The following RAB27B variants were observed in gnomAD, a reference collection of about 807,000 sequenced individuals.
RAB27B encodes the protein ras-related protein Rab-27B.
In RAB27B, 15 loss-of-function variants were observed where a neutral mutation model predicts 24.6. The observed-to-expected ratio is 0.61, with a 90% CI of 0.41 to 0.94. RAB27B has a LOEUF of 0.94. Among genes scored for constraint, RAB27B ranks in the 40% least tolerant of loss-of-function variants. The probability of loss-of-function intolerance (pLI) is 0.00; values close to 1 mark genes in which losing one functional copy is unlikely to be tolerated. For synonymous variants in RAB27B, 105 were observed against 92.5 expected (o/e 1.14, Z -0.78); for missense variants, 261 against 266.8 (o/e 0.98, Z 0.15).
intron 2 of RAB27B, among the ~76,000 whole-genome samples, chr18:54,820,157 A>G (rs1910260131): frequency 6.6e-6 from 1 of 152,166 alleles, no homozygotes; most frequent in Non-Finnish European, 1.5e-5. Context: ...GCTGGGTCAA[A>G]TGGTATTTCT....
intron 2 of RAB27B, among the ~76,000 whole-genome samples, chr18:54,750,853 T>G (rs1447080495): frequency 6.6e-6 from 1 of 152,084 alleles, no homozygotes; most frequent in Non-Finnish European, 1.5e-5. Context: ...GTAACAGAAA[T>G]GAGTCTTAGG....
intron 1 of RAB27B, among the ~76,000 whole-genome samples, chr18:54,867,442 CTTTTTTTTT>C (rs548288719): frequency 1.0e-5 from 1 of 98,754 alleles, no homozygotes; most frequent in Non-Finnish European, 2.0e-5. Context: ...CTTTTCTTTT[CTTTTTTTTT>C]TTTTTTTTTT....
At chr18:54,808,248 A>G (rs1598919780) in intron 2 of RAB27B, among the ~76,000 whole-genome samples, 1 of 152,150 alleles carries the variant, frequency 6.6e-6, no homozygotes, top group African/African-American at 2.4e-5. Flanking sequence ...CTTGGTACAG[A>G]TGACCCTCCA....
At chr18:54,788,008 G>A (rs1909141318) in intron 2 of RAB27B, among the ~76,000 whole-genome samples, 1 of 152,188 alleles carries the variant, frequency 6.6e-6, no homozygotes, top group South Asian at 2.1e-4. Flanking sequence ...TCCAAGAAAA[G>A]ATCAACTTTG....
chr18:54,796,247 G>C (rs961068775), intron 2 of RAB27B, among the ~76,000 whole-genome samples: 1 of 152,132 alleles, frequency 6.6e-6, no homozygotes, highest in Non-Finnish European at 1.5e-5. Context: ...CTAGGGGTGG[G>C]TGTCTGTGAC....
chr18:54,850,362 A>T (rs936100425), intron 1 of RAB27B, among the ~76,000 whole-genome samples: 1 of 139,972 alleles, frequency 7.1e-6, no homozygotes, highest in Non-Finnish European at 1.5e-5. Context: ...ATATATATAC[A>T]TACATACATA....
intron 3 of RAB27B, among the ~76,000 whole-genome samples, chr18:54,883,903 A>G (rs1233295705): frequency 1.3e-5 from 2 of 152,156 alleles, no homozygotes; most frequent in Non-Finnish European, 2.9e-5. Context: ...CCTTCATATC[A>G]TCACAGGCAT....
At chr18:54,774,288 CTT>C (rs1908648372) in intron 2 of RAB27B, among the ~76,000 whole-genome samples, 2 of 152,294 alleles carry the variant, frequency 1.3e-5, no homozygotes, top group Admixed American at 1.3e-4. Context: ...TAATAGGTAA[CTT>C]ATATTGAGTA....
intron 2 of RAB27B, among the ~76,000 whole-genome samples, chr18:54,813,504 T>C (rs1350732620): frequency 2.0e-5 from 3 of 152,192 alleles, no homozygotes. Flanking sequence ...ACTCAAGATC[T>C]GATTGTTTCA....
intron 2 of RAB27B, among the ~76,000 whole-genome samples, chr18:54,779,504 C>G (rs1029483220): frequency 5.9e-5 from 9 of 152,098 alleles, no homozygotes; most frequent in African/African-American, 1.9e-4. Flanking sequence ...GACAGAATCC[C>G]AAGATTAATG....
rs1913408545 is a variant in RAB27B at position 54,892,536 on chromosome 18, A to G, written c.*3123A>G. ...GGTACAAGCTTACCTTTTAGGGTAG[A>G]AAAAGAAAGATCATTTGAAAAATGT... is the stretch of plus-strand genomic sequence containing the variant. On this transcript the variant is annotated 3_prime_UTR_variant, in exon 6 of 6. Coordinates refer to ENST00000262094, the MANE Select transcript of RAB27B (RefSeq NM_004163.4). 6.6e-6 allele frequency: 1 copy of G among 152,062 alleles called. No individual in the cohort carries two copies. The highest frequency in any genetic ancestry group is 6.6e-5 in the Admixed American group (1 of 15,240). The allele number at this position is 152,062 out of a possible 1,614,324, so 9.4% of individuals were successfully genotyped here.
intron 2 of RAB27B, among the ~76,000 whole-genome samples, chr18:54,814,785 C>T (rs1910071218): frequency 6.6e-6 from 1 of 152,032 alleles, no homozygotes; most frequent in Non-Finnish European, 1.5e-5. Context: ...CTGAGTTAAC[C>T]CATTCAGTTA....
At chr18:54,782,104 G>C (rs974454036) in intron 2 of RAB27B, among the ~76,000 whole-genome samples, 11 of 152,146 alleles carry the variant, frequency 7.2e-5, no homozygotes, top group Admixed American at 3.3e-4. Context: ...ATCATGCCTG[G>C]CAATAGTTAA....
intron 1 of RAB27B, among the ~76,000 whole-genome samples, chr18:54,868,925 A>G (rs1179089670): frequency 6.6e-6 from 1 of 152,216 alleles, no homozygotes; most frequent in African/African-American, 2.4e-5. Context: ...CTTATAGCCC[A>G]TAAACACAAG....
chr18:54,838,748 A>G (rs1364392214), intron 1 of RAB27B, among the ~76,000 whole-genome samples: 1 of 152,156 alleles, frequency 6.6e-6, no homozygotes, highest in East Asian at 1.9e-4. Flanking sequence ...ACACATACCT[A>G]CAAATATTCC....
At chr18:54,867,776 G>A (rs112398534) in intron 1 of RAB27B, among the ~76,000 whole-genome samples, 2 of 152,100 alleles carry the variant, frequency 1.3e-5, no homozygotes, top group African/African-American at 4.8e-5. Flanking sequence ...TGAACCTGAA[G>A]TTAGCAGAAC....
At chr18:54,725,218 A>C (rs1909492859) in intron 2 of RAB27B, among the ~76,000 whole-genome samples, 1 of 151,320 alleles carries the variant, frequency 6.6e-6, no homozygotes. Flanking sequence ...TTTCAAGGTT[A>C]CCAGAAAGAT....
rs569808462 is a variant in RAB27B, at chr18:54,831,326, A to G, written c.-20+2626A>G. Among the ~76,000 whole-genome samples the G allele has an allele frequency of 3.4e-4, 52 of 152,226 alleles. No homozygotes were observed. The South Asian group carries it at 4.0e-3, about 12-fold the overall frequency. ...CTGGCATCTTTCAGGAACAGCAAAG[A>G]AGCCCATGAACCTGGCACAGAGGGA... On this transcript the variant is annotated intron_variant, in intron 1 of 5. Transcript: ENST00000262094.
At chr18:54,837,324 G>A (rs779152131) in intron 1 of RAB27B, among the ~76,000 whole-genome samples, 1 of 152,008 alleles carries the variant, frequency 6.6e-6, no homozygotes, top group Non-Finnish European at 1.5e-5. Context: ...TAGCGAGGGT[G>A]GGCATTAACC....
Sources: allele counts gnomAD v4.1 joint callset (sites outside exome capture counted in the v4.1 genomes callset), GRCh38; gene constraint gnomAD v4.1.1; transcripts MANE v1.5; gene names NCBI Gene and HGNC (gene_info 2026-07-23, HGNC 2026-07-21).